The following PDZD8 variants were observed in gnomAD, a reference collection of about 807,000 sequenced individuals.
The protein encoded by PDZD8 is PDZ domain containing 8, also known as PDZ domain-containing protein 8.
A neutral mutation model predicts 85.8 loss-of-function variants in PDZD8; 14 were observed. That is an observed-to-expected ratio of 0.16 (90% CI 0.11 to 0.26). The LOEUF (loss-of-function observed/expected upper bound fraction) is 0.26. Ranked by LOEUF, PDZD8 falls within the 10% of genes least tolerant of loss-of-function variation. PDZD8 has a pLI of 1.00. For missense variants in PDZD8, 1,197 were observed against 1,424.3 expected (o/e 0.84, Z 2.57); for synonymous variants, 592 against 568.6 (o/e 1.04, Z -0.59).
intron 1 of PDZD8, among the ~76,000 whole-genome samples, chr10:117,347,602 GTC>G (rs1844730339): frequency 6.6e-6 from 1 of 151,984 alleles, no homozygotes. Context: ...CTCAGAATAA[GTC>G]TCTTCAAATA....
chr10:117,322,120 C>A (rs954398442), intron 2 of PDZD8, among the ~76,000 whole-genome samples: 1 of 152,064 alleles, frequency 6.6e-6, no homozygotes, highest in African/African-American at 2.4e-5. Context: ...GTGCACTAAA[C>A]AAAAATTATG....
intron 1 of PDZD8, among the ~76,000 whole-genome samples, chr10:117,365,549 G>C (rs1311874540): frequency 1.3e-5 from 2 of 151,986 alleles, no homozygotes; most frequent in African/African-American, 4.8e-5. Context: ...TCATTTGAAA[G>C]GGAAAAGAAT....
chr10:117,321,703 T>C (rs1249223871), intron 2 of PDZD8, among the ~76,000 whole-genome samples: 2 of 152,116 alleles, frequency 1.3e-5, no homozygotes, highest in Admixed American at 6.6e-5. Context: ...AAATAATGAA[T>C]CATTTTTCTG....
At chr10:117,301,935 T>C (rs1303971104) in intron 3 of PDZD8, among the ~76,000 whole-genome samples, 1 of 152,082 alleles carries the variant, frequency 6.6e-6, no homozygotes, top group Non-Finnish European at 1.5e-5. Flanking sequence ...TCAAGTAACA[T>C]GTGGTTCAGT....
At chr10:117,319,012 T>A (rs746350475) in intron 2 of PDZD8, 38 bp from the exon 3 acceptor site, 2 of 1,345,630 alleles carry the variant, frequency 1.5e-6, no homozygotes, top group Non-Finnish European at 2.1e-6. Flanking sequence ...GTATCATACC[T>A]GTTATATTCA....
At chr10:117,358,479 C>T (rs1229055460) in intron 1 of PDZD8, among the ~76,000 whole-genome samples, 6 of 152,002 alleles carry the variant, frequency 3.9e-5, no homozygotes, top group East Asian at 1.9e-4. Flanking sequence ...TCTTCTTTCA[C>T]GGACTATAAA....
At chr10:117,348,052 C>T (rs939792079) in intron 1 of PDZD8, among the ~76,000 whole-genome samples, 2 of 152,078 alleles carry the variant, frequency 1.3e-5, no homozygotes, top group African/African-American at 4.8e-5. Flanking sequence ...TATGTGAATA[C>T]AGTAAAAGCC....
At chr10:117,332,679 G>A (rs1462788704) in intron 2 of PDZD8, among the ~76,000 whole-genome samples, 3 of 151,418 alleles carry the variant, frequency 2.0e-5, no homozygotes, top group Admixed American at 6.6e-5. Flanking sequence ...GCTAAGTTTT[G>A]TATTTTTAGC....
chr10:117,294,913 A>G lies in PDZD8; in HGVS notation c.1099-4565T>C, dbSNP rs559176185. 2.6e-5 allele frequency among the ~76,000 whole-genome samples: 4 copies of G among 152,302 alleles called. No individual in the cohort carries two copies. The South Asian group carries it at 8.3e-4, about 32-fold the overall frequency. ...CTATAAAAAGTTACAGTTAGGAGGTATAAGTTCTGATGTTCTATTGCACAA... is the reference window on the plus strand; with the variant it reads ...CTATAAAAAGTTACAGTTAGGAGGTGTAAGTTCTGATGTTCTATTGCACAA... On this transcript the variant is annotated intron_variant, in intron 3 of 4. Transcript: ENST00000334464.
At position 117,339,232 on chromosome 10, in the gene PDZD8, C is replaced by G. The variant is rs113660122; in HGVS notation, c.995+1748G>C. ...CAAATGTATTAGATATAAAATATAACCTGTGTGCTCAAGTACTTAATTGTA... is the reference window on the plus strand; with the variant it reads ...CAAATGTATTAGATATAAAATATAAGCTGTGTGCTCAAGTACTTAATTGTA... On this transcript the variant is annotated intron_variant, in intron 2 of 4. Transcript: ENST00000334464. Among the ~76,000 whole-genome samples the G allele has an allele frequency of 2.4e-3, 356 of 151,358 alleles. 3 individuals are homozygous for G. The highest frequency in any genetic ancestry group is 8.3e-3 in the African/African-American group (340 of 41,144).
chr10:117,341,266 T>C (rs1213471139), intron 1 of PDZD8, among the ~76,000 whole-genome samples, 164 bp from the exon 2 acceptor site: 2 of 152,160 alleles, frequency 1.3e-5, no homozygotes, highest in Non-Finnish European at 2.9e-5. Context: ...TGGCAGCAAA[T>C]GGTGCCTTCG....
In PDZD8 at chr10:117,283,798, C is replaced by T. The variant is rs770960594; in HGVS notation, c.2935G>A (p.Gly979Ser). 3.1e-6 allele frequency: 5 copies of T among 1,614,108 alleles called. No homozygotes were observed. In the African/African-American group the frequency reaches 4.0e-5, roughly 13 times the overall value. ...KHTPNTSDNE[G>S]SDTEVCGPNS... ...GGACCACAGACCTCCGTGTCACTGC[C>T]TTCGTTGTCTGACGTGTTGGGTGTG... The change falls in exon 5 of 5, where the codon GGC becomes AGC. Residue 979 changes from glycine (G) to serine (S), a missense_variant. Around this residue, in one of 4 missense-constraint regions of PDZD8, gnomAD observed 418 missense variants for 571.1 expected, o/e 0.73. Transcript: ENST00000334464.
intron 1 of PDZD8, among the ~76,000 whole-genome samples, chr10:117,341,470 A>C (rs968845825): frequency 2.0e-5 from 3 of 152,192 alleles, no homozygotes; most frequent in Non-Finnish European, 2.9e-5. Context: ...CCATGGAAAT[A>C]ATATACAGTC....
Position 117,281,371 on chromosome 10 carries a change from A to G in PDZD8, c.*1897T>C, listed in dbSNP as rs1844574358. 1 of 47,268 alleles carries G rather than the reference A, an allele frequency of 2.1e-5. No homozygotes were observed. The highest frequency in any genetic ancestry group is 5.1e-5 in the African/African-American group (1 of 19,800). 2.9% of individuals were successfully genotyped at this position (47,268 alleles called of 1,614,324 possible). On this transcript the variant is annotated 3_prime_UTR_variant, in exon 5 of 5. Coordinates refer to ENST00000334464, the MANE Select transcript of PDZD8 (RefSeq NM_173791.5). ...TGTCTCAAAAAAAAAAAAAAAAAAA[A>G]AAAAAAAAAAAAAAAAAAAAGACAT...
At chr10:117,347,120 G>C (rs1052331367) in intron 1 of PDZD8, among the ~76,000 whole-genome samples, 1 of 151,772 alleles carries the variant, frequency 6.6e-6, no homozygotes, top group African/African-American at 2.4e-5. Context: ...CCAAGAACCA[G>C]GGTATATACC....
chr10:117,295,567 T>C lies in PDZD8; in HGVS notation c.1099-5219A>G, dbSNP rs150467033. Reference sequence around the variant, plus strand: ...CATCGGTGAATTCTGAAAGAAAAAATAAAACAAGGCAAACATAAAACAAGA... The same window carrying C: ...CATCGGTGAATTCTGAAAGAAAAAACAAAACAAGGCAAACATAAAACAAGA... On this transcript the variant is annotated intron_variant, in intron 3 of 4. Transcript: ENST00000334464. Among the ~76,000 whole-genome samples, 260 of 151,956 alleles carry C rather than the reference T, an allele frequency of 1.7e-3. 5 individuals are homozygous for C. Among genetic ancestry groups the C allele is most frequent in the African/African-American group, 5.8e-3 (242 of 41,462 alleles).
At chr10:117,347,924 G>A (rs766875874) in intron 1 of PDZD8, among the ~76,000 whole-genome samples, 4 of 152,132 alleles carry the variant, frequency 2.6e-5, no homozygotes, top group African/African-American at 9.7e-5. Flanking sequence ...AGTACATGAG[G>A]GGTTATTTAG....
chr10:117,292,879 A>C (rs1844794774), intron 3 of PDZD8, among the ~76,000 whole-genome samples: 1 of 151,868 alleles, frequency 6.6e-6, no homozygotes, highest in African/African-American at 2.4e-5. Context: ...TCTTAATTTC[A>C]AGTATGTACA....
At chr10:117,317,493 C>T (rs928745449) in intron 3 of PDZD8, among the ~76,000 whole-genome samples, 3 of 152,080 alleles carry the variant, frequency 2.0e-5, no homozygotes, top group African/African-American at 7.2e-5. Context: ...ATGACATATA[C>T]TAAGATCTAA....
Sources: allele counts gnomAD v4.1 joint callset (sites outside exome capture counted in the v4.1 genomes callset), GRCh38; gene constraint gnomAD v4.1.1; regional missense constraint gnomAD v4.1.1; transcripts MANE v1.5; gene names NCBI Gene and HGNC (gene_info 2026-07-23, HGNC 2026-07-21).